The following STIM1 variants were observed in gnomAD, a reference collection of about 807,000 sequenced individuals.
STIM1 encodes the protein stromal interaction molecule 1.
Under a neutral mutation model 74.7 loss-of-function variants are expected in STIM1, and 25 were observed. The observed-to-expected ratio is 0.33, with a 90% CI of 0.24 to 0.47. The LOEUF is 0.47. STIM1 is among the 20% of genes least tolerant of loss of function. The probability of loss-of-function intolerance (pLI) is 1.00; values close to 1 mark genes in which losing one functional copy is unlikely to be tolerated. For missense variants in STIM1, 728 were observed against 920.8 expected, an observed-to-expected ratio of 0.79 and a Z score of 2.71; for synonymous variants, 328 against 348.8, an observed-to-expected ratio of 0.94 and a Z score of 0.66.
intron 1 of STIM1, among the ~76,000 whole-genome samples, chr11:3,894,966 C>G (rs1398155203): frequency 7.1e-6 from 1 of 141,246 alleles, no homozygotes; most frequent in East Asian, 2.1e-4. Context: ...CCAGGCTGGT[C>G]TCAAACTCCT....
rs971237974 is a variant in STIM1 at position 3,958,579 on chromosome 11, G to A, written c.140-8973G>A. ...CTAGGGGTATGACTCCTCTTTCTGT[G>A]GCTAGGCCTGCTGTGTGCCTCAGCT... On this transcript the variant is annotated intron_variant, in intron 1 of 12. Transcript: ENST00000526596. 2.6e-5 allele frequency among the ~76,000 whole-genome samples: 4 copies of A among 152,242 alleles called. 1 individual carries two copies. In the South Asian group the frequency reaches 8.3e-4, roughly 32 times the overall value.
In STIM1 at chr11:3,856,344, A is replaced by G. The variant is rs748791339; in HGVS notation, c.74A>G (p.His25Arg). 1.2e-6 allele frequency: 2 copies of G among 1,614,182 alleles called. No individual in the cohort carries two copies. The highest frequency in any genetic ancestry group is 4.5e-5 in the East Asian group (2 of 44,884). ...LLLHQGQSLS[H>R]SHSEKATGTS... ...CTGCACCAGGGCCAGAGCCTCAGCC[A>G]TAGTCACAGTGAGAAGGCGACAGGA... The change falls in exon 1 of 13, where the codon CAT becomes CGT. Residue 25 changes from histidine to arginine, a missense_variant. Physicochemically the swap from His to Arg is conservative, Grantham distance 29. Around this residue, in one of 5 missense-constraint regions of STIM1, gnomAD observed 62 missense variants for 55.5 expected, o/e 1.12. Transcript: ENST00000526596.
chr11:3,986,126 A>T (rs2093555975), intron 2 of STIM1, among the ~76,000 whole-genome samples: 1 of 152,232 alleles, frequency 6.6e-6, no homozygotes, highest in Non-Finnish European at 1.5e-5. Context: ...AGATGAATTT[A>T]CTACCTAGAA....
chr11:4,085,907 CAA>C (rs902180590), intron 11 of STIM1, among the ~76,000 whole-genome samples: 2 of 152,144 alleles, frequency 1.3e-5, no homozygotes, highest in African/African-American at 4.8e-5. Context: ...CCATTTTCTT[CAA>C]GTCTTTTTAT....
At chr11:3,896,454 A>G (rs1280543712) in intron 1 of STIM1, among the ~76,000 whole-genome samples, 1 of 152,210 alleles carries the variant, frequency 6.6e-6, no homozygotes, top group East Asian at 1.9e-4. Context: ...TTCAGAACCC[A>G]TGTCTTTTCA....
At chr11:4,012,509 G>A (rs1040606514) in intron 2 of STIM1, among the ~76,000 whole-genome samples, 13 of 152,170 alleles carry the variant, frequency 8.5e-5, no homozygotes, top group Non-Finnish European at 1.9e-4. Context: ...GTTCACTCAT[G>A]ATTTGGCTCT....
At chr11:4,066,789 G>T (rs1420919015) in intron 5 of STIM1, among the ~76,000 whole-genome samples, 1 of 152,198 alleles carries the variant, frequency 6.6e-6, no homozygotes, top group Non-Finnish European at 1.5e-5. Flanking sequence ...CACAGGAGAT[G>T]GAATGGAAGG....
At chr11:3,888,783 C>T (rs764839215) in intron 1 of STIM1, among the ~76,000 whole-genome samples, 38 of 152,216 alleles carry the variant, frequency 2.5e-4, no homozygotes, top group Non-Finnish European at 4.6e-4. Context: ...AACTCCTGAC[C>T]TCAAGTGATC....
rs373351871 is a variant in STIM1, at chr11:3,907,791, C to G, written c.139+51382C>G. Among the ~76,000 whole-genome samples, 288 of 152,328 alleles carry G rather than the reference C, an allele frequency of 1.9e-3. 1 individual carries two copies. Among genetic ancestry groups the G allele is most frequent in the Non-Finnish European group, 2.7e-3 (181 of 68,028 alleles). ...CCTCATTTCCTCTCCACCTGCTCAC[C>G]CTGCCCCACTGGCTTTCTTACCATT... On this transcript the variant is annotated intron_variant, in intron 1 of 12. Coordinates refer to ENST00000526596, the MANE Select transcript of STIM1 (RefSeq NM_001382567.1).
intron 5 of STIM1, among the ~76,000 whole-genome samples, chr11:4,061,452 G>T (rs2094330067): frequency 6.6e-6 from 1 of 152,174 alleles, no homozygotes; most frequent in South Asian, 2.1e-4. Context: ...ACTTCACACT[G>T]ACTGGGATAC....
intron 2 of STIM1, among the ~76,000 whole-genome samples, chr11:4,010,368 A>G (rs2093824135): frequency 6.6e-6 from 1 of 151,702 alleles, no homozygotes; most frequent in Non-Finnish European, 1.5e-5. Context: ...GCAGGGTTTC[A>G]CAGTGTTGGC....
intron 2 of STIM1, chr11:3,972,760 A>G (rs1338632456): frequency 6.6e-6 from 3 of 453,070 alleles, no homozygotes; most frequent in Non-Finnish European, 1.3e-5. Flanking sequence ...CTTCTTTGTC[A>G]CTTCTCTGGC....
At chr11:4,083,594 G>A in intron 10 of STIM1, 96 bp downstream of exon 10, 1 of 1,165,172 alleles carries the variant, frequency 8.6e-7, no homozygotes, top group African/African-American at 1.5e-5. Context: ...AGATGGGGCA[G>A]ATACCCAGGA....
chr11:3,858,525 G>A (rs1387560667), intron 1 of STIM1, among the ~76,000 whole-genome samples: 1 of 152,150 alleles, frequency 6.6e-6, no homozygotes, highest in Non-Finnish European at 1.5e-5. Context: ...GTTGTGGTAG[G>A]TTTTCCCCTT....
chr11:4,083,652 G>A, intron 10 of STIM1, 154 bp downstream of exon 10: 1 of 736,098 alleles, frequency 1.4e-6, no homozygotes, highest in Non-Finnish European at 2.3e-6. Context: ...ATTTACTCAG[G>A]TTATTTCTTT....
intron 1 of STIM1, among the ~76,000 whole-genome samples, chr11:3,867,871 A>AGGCAG (rs1565095366): frequency 0.05 from 5,972 of 118,690 alleles, 173 homozygotes; most frequent in Non-Finnish European, 0.079. Context: ...CAGGCAGGCA[A>AGGCAG]GCAGGCAGGC....
At chr11:4,058,326 C>T (rs1378425213) in intron 4 of STIM1, among the ~76,000 whole-genome samples, 1 of 152,164 alleles carries the variant, frequency 6.6e-6, no homozygotes, top group African/African-American at 2.4e-5. Flanking sequence ...TGCCTCACTG[C>T]GTCTCTTACT....
intron 1 of STIM1, among the ~76,000 whole-genome samples, chr11:3,864,331 C>G (rs187331499): frequency 1.8e-3 from 272 of 152,316 alleles, no homozygotes; most frequent in African/African-American, 6.2e-3. Context: ...CTCATAGATT[C>G]TGTGCATCGG....
intron 1 of STIM1, among the ~76,000 whole-genome samples, chr11:3,911,355 CTATGCTATTA>C (rs2092559289): frequency 6.6e-6 from 1 of 152,184 alleles, no homozygotes. Context: ...AAACATTTTT[CTATGCTATTA>C]TTCATGTTTT....
Sources: allele counts gnomAD v4.1 joint callset (sites outside exome capture counted in the v4.1 genomes callset), GRCh38; gene constraint gnomAD v4.1.1; regional missense constraint gnomAD v4.1.1; transcripts MANE v1.5; gene names NCBI Gene and HGNC (gene_info 2026-07-23, HGNC 2026-07-21).